Variants in FRMD3 observed in about 807,000 individuals in gnomAD.
FRMD3 encodes FERM domain containing 3, also known as FERM domain-containing protein 3.
A neutral mutation model predicts 70.2 loss-of-function variants in FRMD3; 33 were observed. The ratio of observed to expected loss-of-function variants is 0.47; its 90% confidence interval spans 0.36 to 0.63. FRMD3 has a LOEUF of 0.63. Ranked by LOEUF, FRMD3 falls within the 20% of genes least tolerant of loss-of-function variation. FRMD3 has a pLI of 0.00. For synonymous variants in FRMD3, 279 were observed against 255.9 expected (o/e 1.09, Z -0.86); for missense variants, 632 against 711.4 (o/e 0.89, Z 1.27).
intron 13 of FRMD3, among the ~76,000 whole-genome samples, chr9:83,265,395 T>TA (rs59688591): frequency 0.018 from 1,418 of 77,200 alleles, 39 homozygotes; most frequent in African/African-American, 0.051. Flanking sequence ...GCGAGACTCT[T>TA]AAAAAAAAAA....
intron 3 of FRMD3, 80 bp from the exon 4 acceptor site, chr9:83,349,837 C>G (rs1824087136): frequency 1.9e-6 from 2 of 1,048,070 alleles, no homozygotes; most frequent in Non-Finnish European, 2.9e-6. Context: ...GGCAGCCGTG[C>G]AGCCTGACAG....
At chr9:83,299,932 T>C (rs1834837512) in intron 10 of FRMD3, among the ~76,000 whole-genome samples, 1 of 152,234 alleles carries the variant, frequency 6.6e-6, no homozygotes, top group Non-Finnish European at 1.5e-5. Context: ...ACTAAATTAC[T>C]GTGACAGCTG....
intron 1 of FRMD3, among the ~76,000 whole-genome samples, chr9:83,520,411 C>G (rs1353112265): frequency 1.3e-5 from 2 of 152,196 alleles, no homozygotes; most frequent in Non-Finnish European, 2.9e-5. Flanking sequence ...GTATGTAATG[C>G]AAAGCTTCCC....
intron 4 of FRMD3, among the ~76,000 whole-genome samples, chr9:83,345,316 T>C (rs1823919205): frequency 6.6e-6 from 1 of 152,174 alleles, no homozygotes; most frequent in Non-Finnish European, 1.5e-5. Context: ...AAAGGAACAA[T>C]ATTATACTCA....
At chr9:83,284,531 C>T (rs1834111915) in intron 13 of FRMD3, among the ~76,000 whole-genome samples, 1 of 152,172 alleles carries the variant, frequency 6.6e-6, no homozygotes, top group African/African-American at 2.4e-5. Context: ...TGGCTTGAAC[C>T]CAGGAGGCAG....
chr9:83,529,229 G>A (rs890587131), intron 1 of FRMD3, among the ~76,000 whole-genome samples: 1 of 152,178 alleles, frequency 6.6e-6, no homozygotes, highest in Non-Finnish European at 1.5e-5. Flanking sequence ...ACAGGGAAAA[G>A]AGTTGCTTTT....
the FRMD3 span, among the ~76,000 whole-genome samples, chr9:83,563,411 C>A: frequency 6.6e-6 from 1 of 152,082 alleles, no homozygotes; most frequent in Non-Finnish European, 1.5e-5. Context: ...CTTGACTAGA[C>A]CCCAACAAAA....
At position 83,277,736 on chromosome 9, in the gene FRMD3, G is replaced by A. The variant is rs117950843; in HGVS notation, c.1195+12867C>T. Among the ~76,000 whole-genome samples, 1,183 of 152,270 alleles carry A rather than the reference G, an allele frequency of 7.8e-3. 5 individuals carry two copies. Among genetic ancestry groups the A allele is most frequent in the Middle Eastern group, 0.02 (6 of 294 alleles). On this transcript the variant is annotated intron_variant, in intron 13 of 13. Coordinates refer to ENST00000304195, the MANE Select transcript of FRMD3 (RefSeq NM_174938.6). Reference sequence around the variant, plus strand: ...GACTTCTGGCAAACCCTAATCCCAGGAGAATATTCTACTTGTATGCTTTCT... The same window carrying A: ...GACTTCTGGCAAACCCTAATCCCAGAAGAATATTCTACTTGTATGCTTTCT...
intron 1 of FRMD3, among the ~76,000 whole-genome samples, chr9:83,503,473 A>C (rs899131055): frequency 2.6e-5 from 4 of 152,188 alleles, no homozygotes; most frequent in African/African-American, 9.7e-5. Context: ...TTCTACCACC[A>C]ACCTGAACAA....
rs182055334 is a variant in FRMD3 at position 83,309,191 on chromosome 9, G to A, written c.926+345C>T. On this transcript the variant is annotated intron_variant, in intron 10 of 13. Transcript: ENST00000304195. ...AAACTATCTCAAGGTCTGCTTTGTG[G>A]GGGTGGGGGGAGGAGGGCAACCAAA... 1.9e-3 allele frequency among the ~76,000 whole-genome samples: 291 copies of A among 151,802 alleles called. 1 individual carries two copies. The highest frequency in any genetic ancestry group is 6.6e-3 in the African/African-American group (274 of 41,380).
chr9:83,254,662 C>A (rs1832610008), intron 13 of FRMD3, among the ~76,000 whole-genome samples: 1 of 151,816 alleles, frequency 6.6e-6, no homozygotes, highest in African/African-American at 2.4e-5. Flanking sequence ...ATAGAAGAGT[C>A]AAATAAACAC....
intron 1 of FRMD3, among the ~76,000 whole-genome samples, chr9:83,534,441 G>T (rs1270961862): frequency 6.6e-6 from 1 of 152,162 alleles, no homozygotes; most frequent in Non-Finnish European, 1.5e-5. Context: ...CTGTTATTTT[G>T]CAAAAGCTCT....
chr9:83,326,546 T>A (rs569289201), intron 6 of FRMD3, among the ~76,000 whole-genome samples: 1 of 152,158 alleles, frequency 6.6e-6, no homozygotes, highest in African/African-American at 2.4e-5. Context: ...GGGACCCTGA[T>A]AGGACTGGAG....
chr9:83,372,713 G>A (rs1825015236), intron 3 of FRMD3, among the ~76,000 whole-genome samples, 200 bp downstream of exon 3: 1 of 152,062 alleles, frequency 6.6e-6, no homozygotes, highest in Non-Finnish European at 1.5e-5. Flanking sequence ...AGGCCCAGGA[G>A]ACTATAGGAT....
intron 3 of FRMD3, 112 bp from the exon 4 acceptor site, chr9:83,349,869 C>A: frequency 1.5e-6 from 1 of 681,322 alleles, no homozygotes; most frequent in Non-Finnish European, 2.5e-6. Context: ...GAGTGGGGGC[C>A]AGGAGGGGGT....
chr9:83,529,663 C>A (rs923847689), intron 1 of FRMD3, among the ~76,000 whole-genome samples: 1 of 151,996 alleles, frequency 6.6e-6, no homozygotes, highest in African/African-American at 2.4e-5. Context: ...TGGACTTTAT[C>A]AAAATTAAAA....
intron 1 of FRMD3, among the ~76,000 whole-genome samples, chr9:83,475,048 G>A (rs1046109268): frequency 3.3e-5 from 5 of 151,952 alleles, no homozygotes; most frequent in South Asian, 2.1e-4. Context: ...AACACTCCTC[G>A]GTTGAAGAAT....
rs140957830 is a variant in FRMD3 at position 83,305,058 on chromosome 9, G to A, written c.926+4478C>T. ...GCAAGCAGAGGCCCCGGGCCTCCCC[G>A]CTCCCATGCAGGTGAAGTAAAAATG... On this transcript the variant is annotated intron_variant, in intron 10 of 13. Coordinates refer to ENST00000304195, the MANE Select transcript of FRMD3 (RefSeq NM_174938.6). Among the ~76,000 whole-genome samples the A allele has an allele frequency of 4.5e-3, 679 of 152,276 alleles. 5 individuals carry two copies. Among genetic ancestry groups the A allele is most frequent in the African/African-American group, 0.015 (632 of 41,570 alleles).
At chr9:83,501,391 T>C (rs1033650090) in intron 1 of FRMD3, among the ~76,000 whole-genome samples, 1 of 152,196 alleles carries the variant, frequency 6.6e-6, no homozygotes, top group Non-Finnish European at 1.5e-5. Context: ...CAAGACTCCT[T>C]ATATACATAT....
Sources: gnomAD v4.1 joint callset for allele counts (sites outside exome capture counted in the v4.1 genomes callset) on GRCh38, gnomAD v4.1.1 for gene constraint, MANE v1.5 for transcripts, NCBI Gene and HGNC (gene_info 2026-07-23, HGNC 2026-07-21) for gene names.